Variants in VEPH1 observed in about 807,000 individuals in gnomAD.
VEPH1 encodes the protein ventricular zone expressed PH domain containing 1.
A neutral mutation model predicts 85.2 loss-of-function variants in VEPH1; 80 were observed. The observed-to-expected ratio is 0.94, with a 90% CI of 0.78 to 1.13. The LOEUF (loss-of-function observed/expected upper bound fraction) is 1.13. VEPH1 is among the 50% of genes most tolerant of loss of function. The pLI is 0.00. For synonymous variants in VEPH1, 297 were observed against 348.0 expected (o/e 0.85, Z 1.63); for missense variants, 955 against 980.5 (o/e 0.97, Z 0.35).
intron 9 of VEPH1, among the ~76,000 whole-genome samples, chr3:157,359,255 T>C (rs565175518): frequency 6.6e-6 from 1 of 152,340 alleles, no homozygotes; most frequent in African/African-American, 2.4e-5. Flanking sequence ...GTGTGTGTTT[T>C]TTTGACCTCT....
intron 9 of VEPH1, among the ~76,000 whole-genome samples, chr3:157,327,008 G>T (rs578007417): frequency 6.6e-6 from 1 of 152,316 alleles, no homozygotes; most frequent in African/African-American, 2.4e-5. Flanking sequence ...GAGGCAAGGA[G>T]TATGGTGTGG....
chr3:157,392,225 A>G (rs1227800202), intron 6 of VEPH1, among the ~76,000 whole-genome samples: 1 of 152,260 alleles, frequency 6.6e-6, no homozygotes, highest in Non-Finnish European at 1.5e-5. Flanking sequence ...TCATATATCA[A>G]TATCAACCTT....
At position 157,338,310 on chromosome 3, in the gene VEPH1, G is replaced by A. The variant is rs183047635; in HGVS notation, c.1736-21109C>T. 4.6e-5 allele frequency among the ~76,000 whole-genome samples: 7 copies of A among 152,236 alleles called. No homozygotes were observed. In the East Asian group the frequency reaches 1.3e-3, roughly 29 times the overall value. ...GGTTAAATCTGTAAACCAAGGCCTT[G>A]TCTACTGGAGTCCATGTTCCAAACC... On this transcript the variant is annotated intron_variant, in intron 9 of 13. Coordinates refer to ENST00000362010, the MANE Select transcript of VEPH1 (RefSeq NM_001167912.2).
intron 10 of VEPH1, among the ~76,000 whole-genome samples, chr3:157,314,330 CAAAA>C (rs34703314): frequency 0.027 from 1,137 of 42,610 alleles, 4 homozygotes; most frequent in African/African-American, 0.055. Flanking sequence ...GAGGATCCGT[CAAAA>C]AAAAAAAAAA....
intron 1 of VEPH1, among the ~76,000 whole-genome samples, chr3:157,502,231 A>G: frequency 6.6e-6 from 1 of 152,194 alleles, no homozygotes; most frequent in East Asian, 1.9e-4. Context: ...CTTATTTCAT[A>G]AGTACATGAA....
intron 7 of VEPH1, among the ~76,000 whole-genome samples, chr3:157,373,077 T>C (rs1162405194): frequency 2.6e-5 from 4 of 152,320 alleles, no homozygotes; most frequent in Admixed American, 1.3e-4. Context: ...GAATTGCTTC[T>C]CACACAATCA....
At chr3:157,386,523 A>AT (rs943873101) in intron 6 of VEPH1, among the ~76,000 whole-genome samples, 5 of 152,124 alleles carry the variant, frequency 3.3e-5, no homozygotes, top group African/African-American at 7.2e-5. Context: ...GAGAGGAGTG[A>AT]TTTTTTTCCT....
At chr3:157,348,099 A>AC (rs1285632365) in intron 9 of VEPH1, among the ~76,000 whole-genome samples, 1 of 152,070 alleles carries the variant, frequency 6.6e-6, no homozygotes, top group African/African-American at 2.4e-5. Context: ...TAGCAGGGAA[A>AC]CCACCTCATG....
intron 7 of VEPH1, among the ~76,000 whole-genome samples, chr3:157,367,769 C>A (rs1249329673): frequency 6.6e-6 from 1 of 152,174 alleles, no homozygotes; most frequent in African/African-American, 2.4e-5. Flanking sequence ...TCTCAGCCTT[C>A]TGAGTAGCTG....
Position 157,260,951 on chromosome 3 carries a change from C to A in VEPH1, c.*183G>T. Reference sequence around the variant, plus strand: ...ATATATTCTGAAGTCAATACTAAAGCTGTTAGAGTATGACATTTACTAAGA... The same window carrying A: ...ATATATTCTGAAGTCAATACTAAAGATGTTAGAGTATGACATTTACTAAGA... On this transcript the variant is annotated 3_prime_UTR_variant, in exon 14 of 14. Transcript: ENST00000362010. 1 of 732,754 alleles carries A rather than the reference C, an allele frequency of 1.4e-6. No individual in the cohort carries two copies. The highest frequency in any genetic ancestry group is 2.2e-6 in the Non-Finnish European group (1 of 453,834). 45.4% of individuals were successfully genotyped at this position (732,754 alleles called of 1,614,324 possible). A position where few individuals can be genotyped will look rare whatever the true frequency, so the allele number is the denominator to read the frequency against.
At chr3:157,353,725 C>A (rs1725133475) in intron 9 of VEPH1, among the ~76,000 whole-genome samples, 1 of 152,002 alleles carries the variant, frequency 6.6e-6, no homozygotes, top group Non-Finnish European at 1.5e-5. Flanking sequence ...TTTATCATAG[C>A]ACTTAACGCT....
chr3:157,364,215 T>C lies in VEPH1; in HGVS notation c.1337+88A>G, dbSNP rs557423568. 2.8e-5 allele frequency: 28 copies of C among 1,015,172 alleles called. No individual in the cohort carries two copies. In the East Asian group the frequency reaches 5.8e-4, roughly 21 times the overall value. The allele number at this position is 1,015,172 out of a possible 1,614,324, so 62.9% of individuals were successfully genotyped here. On this transcript the variant is annotated intron_variant, in intron 8 of 13. Transcript: ENST00000362010. ...TTTGGGTGGCAATGGGTAAAAGATA[T>C]ATAAAAAACACCCCATAACAGAGTG...
intron 5 of VEPH1, 77 bp from the exon 6 acceptor site, chr3:157,414,167 A>G: frequency 4.1e-6 from 5 of 1,228,846 alleles, no homozygotes; most frequent in Non-Finnish European, 4.6e-6. Context: ...ATTAATTTTG[A>G]AAGCAAACTT....
intron 4 of VEPH1, among the ~76,000 whole-genome samples, chr3:157,444,163 G>C (rs1343425859): frequency 6.6e-6 from 1 of 152,062 alleles, no homozygotes; most frequent in African/African-American, 2.4e-5. Flanking sequence ...CTGATAGAAG[G>C]GCCTCACAAA....
chr3:157,325,433 G>A (rs888084148), intron 9 of VEPH1, among the ~76,000 whole-genome samples: 2 of 152,062 alleles, frequency 1.3e-5, no homozygotes. Context: ...GTCCTGAATG[G>A]TCCTGCCTAG....
chr3:157,395,808 C>A (rs1434359182), intron 6 of VEPH1, among the ~76,000 whole-genome samples: 4 of 151,980 alleles, frequency 2.6e-5, no homozygotes, highest in Non-Finnish European at 5.9e-5. Context: ...TATTTCATCA[C>A]CCAGGTATTA....
At chr3:157,358,848 T>C (rs149615344) in intron 9 of VEPH1, among the ~76,000 whole-genome samples, 2 of 152,254 alleles carry the variant, frequency 1.3e-5, no homozygotes, top group East Asian at 3.9e-4. Context: ...ATACAAAAAT[T>C]AGCTGGCTCT....
intron 4 of VEPH1, among the ~76,000 whole-genome samples, chr3:157,429,801 A>G (rs1244989629): frequency 6.6e-6 from 1 of 152,224 alleles, no homozygotes; most frequent in Non-Finnish European, 1.5e-5. Context: ...GAACTTAGTT[A>G]TGAGGACATA....
At chr3:157,482,030 G>T (rs1473653746) in intron 2 of VEPH1, among the ~76,000 whole-genome samples, 1 of 152,110 alleles carries the variant, frequency 6.6e-6, no homozygotes, top group African/African-American at 2.4e-5. Flanking sequence ...ATTGGTCTAT[G>T]TGTCTGTTTT....
Sources: gnomAD v4.1 joint callset for allele counts (sites outside exome capture counted in the v4.1 genomes callset) on GRCh38, gnomAD v4.1.1 for gene constraint, MANE v1.5 for transcripts, NCBI Gene and HGNC (gene_info 2026-07-23, HGNC 2026-07-21) for gene names.